SLIT3: variants seen among roughly 807,000 people sequenced by gnomAD.
The protein encoded by SLIT3 is slit homolog 3 protein.
In SLIT3, 68 loss-of-function variants were observed where a neutral mutation model predicts 184.0. The ratio of observed to expected loss-of-function variants is 0.37; its 90% CI spans 0.30 to 0.45. The LOEUF (loss-of-function observed/expected upper bound fraction) is 0.45. Among genes scored for constraint, SLIT3 ranks in the 20% least tolerant of loss-of-function variants. The pLI is 1.00. For missense variants in SLIT3, 1,707 were observed against 2,026.0 expected (o/e 0.84, Z 3.02); for synonymous variants, 831 against 828.6 (o/e 1.00, Z -0.05).
intron 14 of SLIT3, among the ~76,000 whole-genome samples, chr5:168,771,490 C>T (rs923504615): frequency 3.3e-5 from 5 of 152,148 alleles, no homozygotes; most frequent in African/African-American, 9.7e-5. Context: ...CCTCAGTTCC[C>T]TCTCCTATAG....
intron 4 of SLIT3, among the ~76,000 whole-genome samples, chr5:168,992,569 C>T (rs62378620): frequency 0.037 from 5,566 of 152,242 alleles, 119 homozygotes; most frequent in Middle Eastern, 0.051. Flanking sequence ...TTGAATGGAG[C>T]TGTGTGCAGA....
At chr5:169,296,957 G>T (rs1052291224) in intron 1 of SLIT3, among the ~76,000 whole-genome samples, 1 of 152,172 alleles carries the variant, frequency 6.6e-6, no homozygotes, top group African/African-American at 2.4e-5. Context: ...GGGAGAAGTG[G>T]CCCCGTGTGA....
intron 4 of SLIT3, among the ~76,000 whole-genome samples, chr5:169,010,875 C>T (rs1756116884): frequency 6.7e-6 from 1 of 150,356 alleles, no homozygotes; most frequent in Admixed American, 6.6e-5. Context: ...CGCCACTGCA[C>T]TCCAGCCTGG....
chr5:169,299,292 C>T (rs1767605777), intron 1 of SLIT3, among the ~76,000 whole-genome samples: 1 of 152,116 alleles, frequency 6.6e-6, no homozygotes, highest in African/African-American at 2.4e-5. Flanking sequence ...TGAGTCTCCA[C>T]CCAGAGATGC....
In SLIT3 at chr5:168,916,981, T is replaced by G. The variant is rs538498196; in HGVS notation, c.414-33645A>C. ...CGTCTCTCCCTGTCATTTCTCCCTC[T>G]CTCCTTCTGAACAGCTGGGAATTCC... On this transcript the variant is annotated intron_variant, in intron 4 of 35. Transcript: ENST00000519560. Among the ~76,000 whole-genome samples the G allele has an allele frequency of 6.2e-4, 94 of 152,228 alleles. 1 individual carries two copies. Among genetic ancestry groups the G allele is most frequent in the Admixed American group, 5.3e-3 (81 of 15,290 alleles).
In SLIT3 at chr5:169,193,465, G is replaced by A; in HGVS notation, c.413+14C>T. On this transcript the variant is annotated intron_variant, in intron 4 of 35. Transcript: ENST00000519560. Reference sequence around the variant, plus strand: ...CAAGGCACAAGGTAGAGAACACAAGGCAACTCTACTCACAGTCTGGTGAGC... The same window carrying A: ...CAAGGCACAAGGTAGAGAACACAAGACAACTCTACTCACAGTCTGGTGAGC... The A allele has an allele frequency of 6.2e-7, 1 of 1,609,410 alleles. No homozygotes were observed. The highest frequency in any genetic ancestry group is 1.7e-5 in the Admixed American group (1 of 60,000).
At chr5:169,247,908 G>A in intron 2 of SLIT3, among the ~76,000 whole-genome samples, 1 of 152,168 alleles carries the variant, frequency 6.6e-6, no homozygotes, top group Non-Finnish European at 1.5e-5. Flanking sequence ...ACAGGCGTGA[G>A]CCACCACATC....
intron 4 of SLIT3, among the ~76,000 whole-genome samples, chr5:169,097,256 A>G (rs1183078250): frequency 6.6e-6 from 1 of 152,240 alleles, no homozygotes; most frequent in Non-Finnish European, 1.5e-5. Context: ...CTCTCTGCCT[A>G]GAAATCCTCA....
At chr5:169,284,132 C>T (rs770933168) in intron 1 of SLIT3, among the ~76,000 whole-genome samples, 7 of 152,228 alleles carry the variant, frequency 4.6e-5, no homozygotes, top group African/African-American at 7.2e-5. Context: ...TGTTTGCCCA[C>T]GGCTGCACAG....
intron 14 of SLIT3, among the ~76,000 whole-genome samples, chr5:168,770,656 GT>G (rs35003831): frequency 0.42 from 63,705 of 149,920 alleles, 13,774 homozygotes; most frequent in East Asian, 0.61. Flanking sequence ...GCTTAGCATT[GT>G]TTTTTTTTTT....
chr5:168,723,077 C>T lies in SLIT3; in HGVS notation c.2340-73G>A, dbSNP rs879298003. ...TGTAGGAGGCCATTCCCAAGTATCA[C>T]ACATACCTGCCATCCACCCACTCAT... On this transcript the variant is annotated intron_variant, in intron 21 of 35. Coordinates refer to ENST00000519560, the MANE Select transcript of SLIT3 (RefSeq NM_003062.4). 7 of 1,012,552 alleles carry T rather than the reference C, an allele frequency of 6.9e-6. No individual in the cohort carries two copies. The Admixed American group carries it at 8.5e-5, about 12-fold the overall frequency. 62.7% of individuals were successfully genotyped at this position (1,012,552 alleles called of 1,614,324 possible).
chr5:169,063,783 A>G (rs1758257237), intron 4 of SLIT3, among the ~76,000 whole-genome samples: 1 of 152,256 alleles, frequency 6.6e-6, no homozygotes, highest in Admixed American at 6.5e-5. Context: ...TCGCGCTAAC[A>G]GCTTGCACAT....
intron 5 of SLIT3, among the ~76,000 whole-genome samples, chr5:168,845,149 T>A (rs1758414337): frequency 6.6e-6 from 1 of 152,158 alleles, no homozygotes; most frequent in Non-Finnish European, 1.5e-5. Context: ...CTCAAGGCTT[T>A]ATCTACCCAA....
intron 14 of SLIT3, among the ~76,000 whole-genome samples, chr5:168,765,397 C>T (rs1309180885): frequency 6.6e-6 from 1 of 152,082 alleles, no homozygotes; most frequent in Non-Finnish European, 1.5e-5. Flanking sequence ...TGTTATTGCC[C>T]TGGTTTGTAA....
chr5:169,162,239 G>C (rs1185365718), intron 4 of SLIT3, among the ~76,000 whole-genome samples: 1 of 152,192 alleles, frequency 6.6e-6, no homozygotes, highest in African/African-American at 2.4e-5. Flanking sequence ...GATCTTGGTA[G>C]ATGTGCAAAT....
intron 4 of SLIT3, among the ~76,000 whole-genome samples, chr5:169,095,788 T>A (rs1759754754): frequency 1.3e-5 from 2 of 152,218 alleles, no homozygotes; most frequent in Non-Finnish European, 2.9e-5. Flanking sequence ...TGTGGTTCCT[T>A]GACATCTCGT....
chr5:168,873,851 T>C (rs1283542824), intron 5 of SLIT3, among the ~76,000 whole-genome samples: 2 of 152,060 alleles, frequency 1.3e-5, no homozygotes, highest in Non-Finnish European at 2.9e-5. Flanking sequence ...TTTTAATCAC[T>C]ATACTCACTT....
intron 27 of SLIT3, among the ~76,000 whole-genome samples, chr5:168,697,714 A>G (rs1246085919): frequency 6.6e-6 from 1 of 152,212 alleles, no homozygotes; most frequent in African/African-American, 2.4e-5. Flanking sequence ...ACAAAAGGCC[A>G]GGGGCCTCTC....
intron 3 of SLIT3, among the ~76,000 whole-genome samples, chr5:169,206,756 C>G (rs1764079563): frequency 6.6e-6 from 1 of 152,128 alleles, no homozygotes; most frequent in Non-Finnish European, 1.5e-5. Flanking sequence ...ACATATACAG[C>G]AACAACAAAA....
Sources: allele counts gnomAD v4.1 joint callset (sites outside exome capture counted in the v4.1 genomes callset), GRCh38; gene constraint gnomAD v4.1.1; transcripts MANE v1.5; gene names NCBI Gene and HGNC (gene_info 2026-07-23, HGNC 2026-07-21).